The following CCDC196 variants were observed in gnomAD, a reference collection of about 807,000 sequenced individuals.
The protein encoded by CCDC196 is coiled-coil domain-containing protein 196.
rs1402997700 is a variant in CCDC196 at position 66,486,825 on chromosome 14, C to A, written c.203+16C>A. The A allele has an allele frequency of 2.4e-6, 1 of 412,702 alleles. No individual in the cohort carries two copies. The highest frequency in any genetic ancestry group is 4.4e-6 in the Non-Finnish European group (1 of 226,006). 25.6% of individuals were successfully genotyped at this position (412,702 alleles called of 1,614,324 possible). A position where few individuals can be genotyped will look rare whatever the true frequency, so the allele number is the denominator to read the frequency against. ...AACAAAGGAGGTACGGGCTCTTACTCTGGATTCCTAGAGGTAAAAAGGCTG... is the reference window on the plus strand; with the variant it reads ...AACAAAGGAGGTACGGGCTCTTACTATGGATTCCTAGAGGTAAAAAGGCTG... On this transcript the variant is annotated intron_variant, in intron 2 of 9. Coordinates refer to ENST00000636229, the MANE Select transcript of CCDC196 (RefSeq NM_001351576.1).
chr14:66,492,600 A>C (rs2057568846), intron 8 of CCDC196, among the ~76,000 whole-genome samples: 1 of 152,106 alleles, frequency 6.6e-6, no homozygotes, highest in Non-Finnish European at 1.5e-5. Context: ...TTGGCCTCCC[A>C]AAGTGCTGGG....
At chr14:66,498,051 GT>G (rs149541244) in intron 8 of CCDC196, 57 bp from the exon 9 acceptor site, 73,668 of 329,344 alleles carry the variant, frequency 0.22, 5,312 homozygotes, top group African/African-American at 0.43. Context: ...AAAACTAGTG[GT>G]TTTTTTTTTT....
At chr14:66,495,799 A>G (rs971875841) in intron 8 of CCDC196, 2 of 154,872 alleles carry the variant, frequency 1.3e-5, no homozygotes, top group Non-Finnish European at 2.9e-5. Context: ...CAAATGAAAA[A>G]AGAAAAAAAT....
At chr14:66,496,454 T>C (rs370530141) in intron 8 of CCDC196, 3 of 445,248 alleles carry the variant, frequency 6.7e-6, no homozygotes, top group East Asian at 7.0e-5. Flanking sequence ...ATCCATGTTA[T>C]CTCTTTGGCA....
chr14:66,497,833 A>G (rs1239406515), intron 8 of CCDC196, among the ~76,000 whole-genome samples: 1 of 152,112 alleles, frequency 6.6e-6, no homozygotes, highest in Non-Finnish European at 1.5e-5. Context: ...GAGGGTATGT[A>G]TATATACACA....
chr14:66,493,436 C>A, intron 8 of CCDC196, among the ~76,000 whole-genome samples: 1 of 152,154 alleles, frequency 6.6e-6, no homozygotes, highest in East Asian at 1.9e-4. Context: ...GTGTTGAAAT[C>A]TGAGAGAAAT....
chr14:66,489,053 T>G lies in CCDC196; in HGVS notation c.351+16T>G. 2.4e-6 allele frequency: 1 copy of G among 413,200 alleles called. No homozygotes were observed. The allele number at this position is 413,200 out of a possible 1,614,324, so 25.6% of individuals were successfully genotyped here. On this transcript the variant is annotated intron_variant, in intron 4 of 9. Transcript: ENST00000636229. Reference sequence around the variant, plus strand: ...ATGGAACAAGGTGTGCCTCTAAGGATCTATTGAAAGTATTGTCCTACAGAT... The same window carrying G: ...ATGGAACAAGGTGTGCCTCTAAGGAGCTATTGAAAGTATTGTCCTACAGAT...
At chr14:66,489,550 C>T (rs1683140694) in intron 4 of CCDC196, among the ~76,000 whole-genome samples, 1 of 152,208 alleles carries the variant, frequency 6.6e-6, no homozygotes, top group East Asian at 1.9e-4. Flanking sequence ...TGCTTATGTG[C>T]TCAATAGCAC....
At chr14:66,496,616 G>C (rs879925023) in intron 8 of CCDC196, 1 of 275,696 alleles carries the variant, frequency 3.6e-6, no homozygotes, top group East Asian at 8.4e-5. Context: ...AACTTCTATA[G>C]AGTCCAGAAG....
chr14:66,494,396 T>C (rs1441116525), intron 8 of CCDC196, among the ~76,000 whole-genome samples: 1 of 152,194 alleles, frequency 6.6e-6, no homozygotes, highest in East Asian at 1.9e-4. Flanking sequence ...ATTCTCTTCA[T>C]AAAGGATTTT....
intron 7 of CCDC196, 108 bp downstream of exon 7, chr14:66,491,793 T>C (rs999831574): frequency 2.4e-6 from 1 of 412,246 alleles, no homozygotes; most frequent in Non-Finnish European, 4.4e-6. Context: ...AGATTACCGA[T>C]TGCCCTGCTA....
chr14:66,496,494 C>T (rs1036477755), intron 8 of CCDC196, among the ~76,000 whole-genome samples: 2 of 152,212 alleles, frequency 1.3e-5, no homozygotes, highest in East Asian at 1.9e-4. Flanking sequence ...TTTATACCTA[C>T]GATGAAGTCT....
At chr14:66,497,906 G>A (rs913299011) in intron 8 of CCDC196, among the ~76,000 whole-genome samples, 12 of 151,550 alleles carry the variant, frequency 7.9e-5, no homozygotes, top group African/African-American at 2.9e-4. Flanking sequence ...TTCCCCCTGT[G>A]GGACATGAGC....
At chr14:66,488,685 C>T (rs373916439) in intron 3 of CCDC196, among the ~76,000 whole-genome samples, 186 of 152,134 alleles carry the variant, frequency 1.2e-3, no homozygotes, top group African/African-American at 4.1e-3. Context: ...TCTAAGCCCC[C>T]AAGAAATGGC....
At chr14:66,492,367 G>A (rs538570475) in intron 8 of CCDC196, among the ~76,000 whole-genome samples, 173 bp downstream of exon 8, 1 of 149,894 alleles carries the variant, frequency 6.7e-6, no homozygotes, top group South Asian at 2.1e-4. Flanking sequence ...ACAGAGTCTG[G>A]CTCTGTTGCC....
At chr14:66,488,721 G>A (rs535241416) in intron 3 of CCDC196, among the ~76,000 whole-genome samples, 2 of 151,944 alleles carry the variant, frequency 1.3e-5, no homozygotes, top group Admixed American at 6.6e-5. Flanking sequence ...TAAGTGTTAG[G>A]AACTCATTTC....
chr14:66,493,113 A>C (rs1057448215), intron 8 of CCDC196, among the ~76,000 whole-genome samples: 1 of 151,424 alleles, frequency 6.6e-6, no homozygotes, highest in Non-Finnish European at 1.5e-5. Context: ...ATCATGGCCA[A>C]GGGATGACAA....
At position 66,492,055 on chromosome 14, in the gene CCDC196, T is replaced by C. The variant is rs1371859351; in HGVS notation, c.576T>C (p.Asn192=). 4.8e-6 allele frequency: 2 copies of C among 413,320 alleles called. No individual in the cohort carries two copies. The highest frequency in any genetic ancestry group is 2.1e-5 in the African/African-American group (1 of 48,640). 25.6% of individuals were successfully genotyped at this position (413,320 alleles called of 1,614,324 possible). A position where few individuals can be genotyped will look rare whatever the true frequency, so the allele number is the denominator to read the frequency against. Residue 192 remains asparagine, a splice_region_variant and synonymous_variant, in exon 8 of 10, where the codon AAT becomes AAC. Transcript: ENST00000636229. ...KYQEQNNILQ[N]DFHGKVIELR... ...TTTTGGAAAATATTCTCTTTCAGAA[T>C]GATTTTCATGGCAAAGTGATTGAGC...
At position 66,490,826 on chromosome 14, in the gene CCDC196, G is replaced by A. The variant is rs1372104522; in HGVS notation, c.429+7G>A. The A allele has an allele frequency of 1.7e-5, 7 of 400,022 alleles. No individual in the cohort carries two copies. The highest frequency in any genetic ancestry group is 1.2e-3 in the Middle Eastern group (2 of 1,614). The allele number at this position is 400,022 out of a possible 1,614,324, so 24.8% of individuals were successfully genotyped here. A position where few individuals can be genotyped will look rare whatever the true frequency, so the allele number is the denominator to read the frequency against. On this transcript the variant is annotated splice_region_variant and intron_variant, in intron 5 of 9. Transcript: ENST00000636229. Reference sequence around the variant, plus strand: ...AGACTTGCAGGATGGAAAGGCAAGTGGACTGCATGTACTTAAAATTTCAAG... The same window carrying A: ...AGACTTGCAGGATGGAAAGGCAAGTAGACTGCATGTACTTAAAATTTCAAG...
Sources: allele counts gnomAD v4.1 joint callset (sites outside exome capture counted in the v4.1 genomes callset), GRCh38; gene constraint gnomAD v4.1.1; transcripts MANE v1.5; gene names NCBI Gene and HGNC (gene_info 2026-07-23, HGNC 2026-07-21).